KCNN1: variants seen among roughly 807,000 people sequenced by gnomAD.
The protein encoded by KCNN1 is small conductance calcium-activated potassium channel protein 1.
Under a neutral mutation model 44.7 loss-of-function variants are expected in KCNN1, and 20 were observed. The ratio of observed to expected loss-of-function variants is 0.45; its 90% CI spans 0.32 to 0.65. The LOEUF (loss-of-function observed/expected upper bound fraction) is 0.65. Among genes scored for constraint, KCNN1 ranks in the 30% least tolerant of loss-of-function variants. The probability of loss-of-function intolerance (pLI) is 0.05; values close to 1 mark genes in which losing one functional copy is unlikely to be tolerated. For missense variants in KCNN1, 632 were observed against 785.3 expected, an observed-to-expected ratio of 0.80 and a Z score of 2.33; for synonymous variants, 324 against 341.7, an observed-to-expected ratio of 0.95 and a Z score of 0.57.
At chr19:17,961,185 C>CAAAA (rs202142379) in intron 2 of KCNN1, among the ~76,000 whole-genome samples, 4 of 91,380 alleles carry the variant, frequency 4.4e-5, no homozygotes, top group East Asian at 2.8e-4. Context: ...GACTCTGACT[C>CAAAA]AAAAAAAAAA....
At chr19:17,960,635 A>T (rs2145904066) in intron 2 of KCNN1, among the ~76,000 whole-genome samples, 1 of 145,446 alleles carries the variant, frequency 6.9e-6, no homozygotes, top group East Asian at 1.9e-4. Context: ...TGTCTCAAAA[A>T]AAAGAAAAGA....
intron 1 of KCNN1, among the ~76,000 whole-genome samples, chr19:17,969,932 G>A (rs944807927): frequency 1.1e-4 from 17 of 152,248 alleles, no homozygotes; most frequent in Non-Finnish European, 1.9e-4. Flanking sequence ...TTCAGGCAGT[G>A]GGCAGGGGTT....
At chr19:17,978,315 TG>T (rs921149859) in intron 3 of KCNN1, among the ~76,000 whole-genome samples, 1 of 150,624 alleles carries the variant, frequency 6.6e-6, no homozygotes, top group Non-Finnish European at 1.5e-5. Context: ...TTCGTAGAGA[TG>T]GGGTTTCACC....
chr19:17,953,710 G>C (rs1350842035), intron 1 of KCNN1, among the ~76,000 whole-genome samples: 1 of 152,162 alleles, frequency 6.6e-6, no homozygotes, highest in African/African-American at 2.4e-5. Flanking sequence ...GGAAGGGCGA[G>C]GCAAGCTCAG....
chr19:17,952,776 C>A (rs989048298), intron 1 of KCNN1, among the ~76,000 whole-genome samples: 2 of 152,166 alleles, frequency 1.3e-5, no homozygotes, highest in Admixed American at 1.3e-4. Flanking sequence ...GGAGGGAACC[C>A]CCCACCTGCC....
intron 2 of KCNN1, among the ~76,000 whole-genome samples, chr19:17,959,344 CGCCTCCTAGGTTCAAGTGATTCTCT>C (rs2031624584): frequency 6.6e-6 from 1 of 151,850 alleles, no homozygotes; most frequent in Non-Finnish European, 1.5e-5. Context: ...CTGCAACCTC[CGCCTCCTAGGTTCAAGTGATTCTCT>C]GCCTCAGGCT....
intron 7 of KCNN1, among the ~76,000 whole-genome samples, chr19:17,992,561 A>C (rs2032831116): frequency 6.6e-6 from 1 of 152,188 alleles, no homozygotes; most frequent in Non-Finnish European, 1.5e-5. Flanking sequence ...AGACCATGCC[A>C]CTGCACTCCC....
intron 4 of KCNN1, 100 bp downstream of exon 4, chr19:17,982,227 C>A: frequency 9.9e-7 from 1 of 1,012,904 alleles, no homozygotes; most frequent in Non-Finnish European, 1.4e-6. Context: ...CCCTCCCGAC[C>A]CTGGCCATTG....
In KCNN1 at chr19:17,998,284, GC is replaced by G; in HGVS notation, c.1513del (p.Gln505LysfsTer75). The G allele has an allele frequency of 1.3e-6, 2 of 1,552,298 alleles. No homozygotes were observed. Among genetic ancestry groups the G allele is most frequent in the Non-Finnish European group, 1.7e-6 (2 of 1,153,314 alleles). On this transcript the variant is annotated frameshift_variant, in exon 10 of 10. Transcript: ENST00000684775. LOFTEE classifies it low-confidence loss of function (END_TRUNC). This position sits in a 1 kb window ranked among gnomAD's most constrained non-coding sequence, Gnocchi z 5.4. ...ASLQALPGLI[A>X]QAIRPPPPPL... ...TCTACAGGCCCTGCCTGGCCTCATC[GC>G]CCAAGCCATACGCCCACCCCCGCCT...
chr19:17,981,141 C>T (rs1488541503), intron 3 of KCNN1, among the ~76,000 whole-genome samples: 4 of 151,764 alleles, frequency 2.6e-5, no homozygotes, highest in South Asian at 2.1e-4. Context: ...TGCTTGAACC[C>T]GGGAGGCAGA....
intron 1 of KCNN1, among the ~76,000 whole-genome samples, chr19:17,953,334 C>T (rs1397920975): frequency 3.3e-5 from 5 of 152,214 alleles, no homozygotes; most frequent in Admixed American, 2.0e-4. Context: ...AAGGCCCTGC[C>T]CTCCCAAGGC....
chr19:17,979,140 TAA>T (rs71164334), intron 3 of KCNN1, among the ~76,000 whole-genome samples: 51 of 103,264 alleles, frequency 4.9e-4, no homozygotes, highest in Admixed American at 6.2e-4. Flanking sequence ...CCCTTCCTCT[TAA>T]AAAAAAAAAA....
chr19:17,963,027 A>T (rs2031719722), upstream of KCNN1, among the ~76,000 whole-genome samples: 1 of 93,574 alleles, frequency 1.1e-5, no homozygotes. Context: ...TTTTTTTGAG[A>T]CGGAGTCTTG....
chr19:17,988,167 A>G (rs924484313), intron 5 of KCNN1, among the ~76,000 whole-genome samples: 1 of 151,588 alleles, frequency 6.6e-6, no homozygotes, highest in Non-Finnish European at 1.5e-5. Context: ...AAAAAAAAAA[A>G]AAAAAAAAAA....
chr19:17,982,362 C>T (rs1452949086), intron 4 of KCNN1, among the ~76,000 whole-genome samples: 1 of 152,044 alleles, frequency 6.6e-6, no homozygotes, highest in Non-Finnish European at 1.5e-5. Context: ...GGAGGGACCC[C>T]AGCTCCCTCT....
chr19:17,985,051 G>A (rs1446338959), intron 4 of KCNN1, among the ~76,000 whole-genome samples: 1 of 152,124 alleles, frequency 6.6e-6, no homozygotes, highest in African/African-American at 2.4e-5. Flanking sequence ...GTCGTTGGGA[G>A]GGGGATTGTA....
intron 3 of KCNN1, among the ~76,000 whole-genome samples, chr19:17,980,805 C>T (rs1459763231): frequency 6.6e-6 from 1 of 151,932 alleles, no homozygotes; most frequent in Non-Finnish European, 1.5e-5. Context: ...CAGGAGGAGA[C>T]TGAGGCAGGA....
chr19:17,984,258 G>A (rs906377322), intron 4 of KCNN1, among the ~76,000 whole-genome samples: 6 of 151,920 alleles, frequency 3.9e-5, no homozygotes, highest in Admixed American at 1.3e-4. Context: ...TTCGACTTCC[G>A]CGGGAGTGAA....
chr19:17,981,586 A>T, intron 3 of KCNN1, 123 bp from the exon 4 acceptor site: 1 of 775,982 alleles, frequency 1.3e-6, no homozygotes, highest in Non-Finnish European at 2.0e-6. Flanking sequence ...AGAAAGAAAG[A>T]AAAATCCGAG....
Sources: gnomAD v4.1 joint callset for allele counts (sites outside exome capture counted in the v4.1 genomes callset) on GRCh38, gnomAD v4.1.1 for gene constraint, Gnocchi (gnomAD v3.1) non-coding constraint, MANE v1.5 for transcripts, NCBI Gene and HGNC (gene_info 2026-07-23, HGNC 2026-07-21) for gene names.